The following BRINP1 variants were observed in gnomAD, a reference collection of about 807,000 sequenced individuals.
BRINP1 encodes BMP/retinoic acid-inducible neural-specific protein 1.
In BRINP1, 17 loss-of-function variants were observed where a neutral mutation model predicts 72.9. That is an observed-to-expected ratio of 0.23 (90% CI 0.16 to 0.35). The LOEUF (loss-of-function observed/expected upper bound fraction) is 0.35, where lower values mean the gene tolerates loss of function less well. BRINP1 is among the 10% of genes least tolerant of loss of function. The probability of loss-of-function intolerance (pLI) is 1.00; values close to 1 mark genes in which losing one functional copy is unlikely to be tolerated. For missense variants in BRINP1, 850 were observed against 1,001.6 expected, an observed-to-expected ratio of 0.85 and a Z score of 2.04; for synonymous variants, 418 against 378.5, an observed-to-expected ratio of 1.10 and a Z score of -1.21.
intron 2 of BRINP1, among the ~76,000 whole-genome samples, chr9:119,296,070 T>G (rs1395591473): frequency 6.6e-6 from 1 of 152,020 alleles, no homozygotes; most frequent in African/African-American, 2.4e-5. Flanking sequence ...TATCTGTATA[T>G]CAAAAGAAAC....
intron 2 of BRINP1, among the ~76,000 whole-genome samples, chr9:119,311,290 T>A (rs376093837): frequency 7.2e-5 from 11 of 152,368 alleles, no homozygotes; most frequent in African/African-American, 2.6e-4. Context: ...TTGAACTCTG[T>A]CATTTAATTA....
chr9:119,356,677 T>A (rs1299418698), intron 1 of BRINP1, among the ~76,000 whole-genome samples: 1 of 151,926 alleles, frequency 6.6e-6, no homozygotes, highest in African/African-American at 2.4e-5. Context: ...TGGTGGTGCG[T>A]GCCTGTAATC....
At chr9:119,282,301 G>A (rs988167214) in intron 2 of BRINP1, among the ~76,000 whole-genome samples, 10 of 152,198 alleles carry the variant, frequency 6.6e-5, no homozygotes, top group East Asian at 5.8e-4. Context: ...ATCCACAGGA[G>A]GAAAGAGCTG....
At chr9:119,190,419 A>T (rs1829671819) in intron 7 of BRINP1, among the ~76,000 whole-genome samples, 1 of 151,698 alleles carries the variant, frequency 6.6e-6, no homozygotes, top group African/African-American at 2.4e-5. Context: ...GACTAAAAAA[A>T]AAAAAAATAA....
intron 1 of BRINP1, among the ~76,000 whole-genome samples, chr9:119,343,771 C>T (rs1423131131): frequency 6.6e-6 from 1 of 152,094 alleles, no homozygotes; most frequent in Non-Finnish European, 1.5e-5. Flanking sequence ...TATAATGTCC[C>T]TCTCCCACCT....
intron 1 of BRINP1, among the ~76,000 whole-genome samples, chr9:119,328,016 C>T (rs1831256425): frequency 6.6e-6 from 1 of 152,060 alleles, no homozygotes; most frequent in Non-Finnish European, 1.5e-5. Context: ...ACTCAGTAAA[C>T]TCATGAGTCA....
At chr9:119,175,492 C>T (rs1030360892) in intron 7 of BRINP1, among the ~76,000 whole-genome samples, 4 of 151,980 alleles carry the variant, frequency 2.6e-5, no homozygotes, top group African/African-American at 9.7e-5. Context: ...GCACGTTCTG[C>T]ACATGTATCC....
intron 2 of BRINP1, among the ~76,000 whole-genome samples, chr9:119,277,153 T>A (rs1372829716): frequency 6.6e-6 from 1 of 152,226 alleles, no homozygotes; most frequent in Non-Finnish European, 1.5e-5. Flanking sequence ...AGTTCATTCA[T>A]TTTATAGTAG....
Position 119,167,579 on chromosome 9 carries a change from G to T in BRINP1, c.1791C>A (p.Cys597Ter), listed in dbSNP as rs1829332046. 1.2e-6 allele frequency: 2 copies of T among 1,614,140 alleles called. No homozygotes were observed. Among genetic ancestry groups the T allele is most frequent in the African/African-American group, 1.3e-5 (1 of 75,026 alleles). Residue 597 changes from cysteine to a stop codon, truncating the protein, a stop_gained, in exon 8 of 8, where the codon TGC becomes TGA. Coordinates refer to ENST00000265922, the MANE Select transcript of BRINP1 (RefSeq NM_014618.3). LOFTEE classifies it high-confidence loss of function. This position sits in a 1 kb window ranked among gnomAD's most constrained non-coding sequence, Gnocchi z 4.3. ...WEKIRLQNSQ[C>*]YNWTLLLGNR... Reference sequence around the variant, plus strand: ...TGCCCAGCAAAAGAGTCCAGTTGTAGCACTGGCTGTTTTGGAGACGGATCT... The same window carrying T: ...TGCCCAGCAAAAGAGTCCAGTTGTATCACTGGCTGTTTTGGAGACGGATCT...
At position 119,166,984 on chromosome 9, in the gene BRINP1, A is replaced by G. The variant is rs752188135; in HGVS notation, c.*100T>C. On this transcript the variant is annotated 3_prime_UTR_variant, in exon 8 of 8. Coordinates refer to ENST00000265922, the MANE Select transcript of BRINP1 (RefSeq NM_014618.3). ...CTCCTTTTCTTTGAATATTAATTAC[A>G]TTTTACAAATTTTTGTGGGTTTTTT... 5 of 1,292,258 alleles carry G rather than the reference A, an allele frequency of 3.9e-6. No homozygotes were observed. The highest frequency in any genetic ancestry group is 5.3e-6 in the Non-Finnish European group (5 of 936,020). The allele number at this position is 1,292,258 out of a possible 1,614,324, so 80.0% of individuals were successfully genotyped here.
At chr9:119,242,247 T>C (rs1292081202) in intron 3 of BRINP1, 31 bp from the exon 4 acceptor site, 2 of 1,598,342 alleles carry the variant, frequency 1.3e-6, no homozygotes. Context: ...GATAAGAAGG[T>C]TTGTGGAGCT....
intron 2 of BRINP1, among the ~76,000 whole-genome samples, chr9:119,251,930 A>G (rs990176389): frequency 6.6e-6 from 1 of 152,002 alleles, no homozygotes; most frequent in Non-Finnish European, 1.5e-5. Flanking sequence ...TTCGATGTCT[A>G]TTTGGTGTGT....
At chr9:119,337,077 A>T (rs750407620) in intron 1 of BRINP1, among the ~76,000 whole-genome samples, 37 of 152,150 alleles carry the variant, frequency 2.4e-4, no homozygotes, top group Non-Finnish European at 4.1e-4. Flanking sequence ...CCAGCCTCCT[A>T]ATTCAGCTCC....
chr9:119,329,752 C>T (rs1587962680), intron 1 of BRINP1, among the ~76,000 whole-genome samples: 1 of 152,156 alleles, frequency 6.6e-6, no homozygotes, highest in East Asian at 1.9e-4. Flanking sequence ...AGGCATAATT[C>T]ACTGAGCCCT....
At chr9:119,213,369 A>G (rs7852882) in intron 6 of BRINP1, among the ~76,000 whole-genome samples, 11,832 of 152,294 alleles carry the variant, frequency 0.078, 771 homozygotes, top group African/African-American at 0.18. Flanking sequence ...TCCACCCCTG[A>G]AACTCATTTT....
chr9:119,171,531 T>C (rs1383723598), intron 7 of BRINP1, among the ~76,000 whole-genome samples: 1 of 150,694 alleles, frequency 6.6e-6, no homozygotes, highest in Non-Finnish European at 1.5e-5. Flanking sequence ...CCATTAATAA[T>C]GGGAGACTTT....
At chr9:119,351,311 A>G (rs1193364003) in intron 1 of BRINP1, among the ~76,000 whole-genome samples, 1 of 152,184 alleles carries the variant, frequency 6.6e-6, no homozygotes, top group Non-Finnish European at 1.5e-5. Context: ...CGAAATGAAG[A>G]GCTCTACTCA....
In BRINP1 at chr9:119,318,841, T is replaced by TGTGTGG. The variant is rs1554754941; in HGVS notation, c.-50-5437_-50-5436insCCACAC. ...AGGTCATACATGGAAGAGAAATGTG[T>TGTGTGG]GGGGTGTGTGTGTGTGTGTGTGTGT... is the stretch of plus-strand genomic sequence containing the variant. On this transcript the variant is annotated intron_variant, in intron 1 of 7. Transcript: ENST00000265922. Among the ~76,000 whole-genome samples, 3 of 114,720 alleles carry TGTGTGG rather than the reference T, an allele frequency of 2.6e-5. 1 individual carries two copies. Among genetic ancestry groups the TGTGTGG allele is most frequent in the African/African-American group, 1.0e-4 (3 of 29,816 alleles). 75.3% of individuals were successfully genotyped at this position (114,720 alleles called of 152,430 possible). A position where few individuals can be genotyped will look rare whatever the true frequency, so the allele number is the denominator to read the frequency against.
chr9:119,339,169 G>T (rs908360413), intron 1 of BRINP1, among the ~76,000 whole-genome samples: 1 of 152,200 alleles, frequency 6.6e-6, no homozygotes, highest in Non-Finnish European at 1.5e-5. Flanking sequence ...ATGGGCCACA[G>T]TGTCTCTATC....
Sources: gnomAD v4.1 joint callset for allele counts (sites outside exome capture counted in the v4.1 genomes callset) on GRCh38, gnomAD v4.1.1 for gene constraint, Gnocchi (gnomAD v3.1) non-coding constraint, MANE v1.5 for transcripts, NCBI Gene and HGNC (gene_info 2026-07-23, HGNC 2026-07-21) for gene names.